Variants in ITGA6 observed in about 807,000 individuals in gnomAD.
ITGA6 encodes integrin alpha-6.
Under a neutral mutation model 133.6 loss-of-function variants are expected in ITGA6, and 63 were observed. That is an observed-to-expected ratio of 0.47 (90% CI 0.38 to 0.58). The LOEUF is 0.58. Ranked by LOEUF, ITGA6 falls within the 20% of genes least tolerant of loss-of-function variation. ITGA6 has a pLI of 0.00. For synonymous variants in ITGA6, 434 were observed against 482.0 expected, an observed-to-expected ratio of 0.90 and a Z score of 1.30; for missense variants, 1,068 against 1,309.4, an observed-to-expected ratio of 0.82 and a Z score of 2.85.
At chr2:172,428,607 C>CT (rs1436696221) in intron 1 of ITGA6, 1 of 151,070 alleles carries the variant, frequency 6.6e-6, no homozygotes, top group African/African-American at 2.4e-5. Flanking sequence ...GTTCGCTGGA[C>CT]TAGATCAGCT....
chr2:172,436,678 CT>C (rs1407179018), intron 1 of ITGA6, among the ~76,000 whole-genome samples: 3 of 152,186 alleles, frequency 2.0e-5, no homozygotes, highest in Non-Finnish European at 2.9e-5. Flanking sequence ...TGGTCTGGAC[CT>C]GCCAGAGAAA....
intron 25 of ITGA6, chr2:172,503,333 A>G (rs1377332852): frequency 1.3e-5 from 2 of 152,148 alleles, no homozygotes; most frequent in Admixed American, 6.5e-5. Context: ...AATTTTATAT[A>G]TATATATAAA....
chr2:172,505,731 TTTTTC>T lies in ITGA6; in HGVS notation c.*1669_*1673del, dbSNP rs201794789. 0.011 allele frequency: 1,686 copies of T among 152,666 alleles called. 22 individuals carry two copies. The highest frequency in any genetic ancestry group is 0.029 in the South Asian group (142 of 4,826). The allele number at this position is 152,666 out of a possible 1,614,324, so 9.5% of individuals were successfully genotyped here. ...GTGCCACTGTTGTTTTGGGGGGGCT[TTTTTC>T]TTTTCGGAAATCTTAAACCTTAAGA... On this transcript the variant is annotated 3_prime_UTR_variant, in exon 26 of 26. Coordinates refer to ENST00000684293, the MANE Select transcript of ITGA6 (RefSeq NM_000210.4).
intron 1 of ITGA6, among the ~76,000 whole-genome samples, chr2:172,443,508 G>A (rs1684626883): frequency 6.6e-6 from 1 of 152,132 alleles, no homozygotes; most frequent in Non-Finnish European, 1.5e-5. Flanking sequence ...AGGAGTGGCT[G>A]CCCTCATTCC....
chr2:172,434,088 A>C (rs1259015526), intron 1 of ITGA6, among the ~76,000 whole-genome samples: 6 of 152,298 alleles, frequency 3.9e-5, no homozygotes, highest in Middle Eastern at 3.4e-3. Context: ...GGCAGGTTTG[A>C]AAACGATTTA....
Position 172,491,401 on chromosome 2 carries a change from A to G in ITGA6, c.2890-24A>G, listed in dbSNP as rs1212226514. 1 of 1,588,714 alleles carries G rather than the reference A, an allele frequency of 6.3e-7. No homozygotes were observed. The highest frequency in any genetic ancestry group is 1.1e-5 in the South Asian group (1 of 90,568). On this transcript the variant is annotated intron_variant, in intron 22 of 25. Coordinates refer to ENST00000684293, the MANE Select transcript of ITGA6 (RefSeq NM_000210.4). The surrounding 1 kb of genome is among the most constrained non-coding windows in gnomAD (Gnocchi z 4.4). ...TGCCTAGGACACTTTTCACTTCCCT[A>G]ATGCATTCACTGTCTCCAAACAGGA...
At chr2:172,473,365 A>G (rs1016889494) in intron 5 of ITGA6, among the ~76,000 whole-genome samples, 1 of 152,214 alleles carries the variant, frequency 6.6e-6, no homozygotes, top group Non-Finnish European at 1.5e-5. Flanking sequence ...ACTGATACCA[A>G]TGACAACTTC....
intron 1 of ITGA6, among the ~76,000 whole-genome samples, chr2:172,432,845 G>C (rs189411397): frequency 1.3e-3 from 204 of 152,316 alleles, no homozygotes; most frequent in African/African-American, 4.6e-3. Flanking sequence ...GTGGAATAGA[G>C]ATCTTTCTGA....
intron 1 of ITGA6, among the ~76,000 whole-genome samples, chr2:172,441,851 T>A: frequency 6.6e-6 from 1 of 152,186 alleles, no homozygotes; most frequent in Non-Finnish European, 1.5e-5. Context: ...ATTCCCTTCT[T>A]GTCCTGAGTT....
intron 7 of ITGA6, 83 bp downstream of exon 7, chr2:172,475,205 C>A (rs564464621): frequency 1.0e-6 from 1 of 967,082 alleles, no homozygotes; most frequent in Non-Finnish European, 1.6e-6. Flanking sequence ...CAGTGGCTCA[C>A]GCCTGTAATC....
chr2:172,498,116 C>T lies in ITGA6; in HGVS notation c.3114+16C>T. On this transcript the variant is annotated intron_variant, in intron 24 of 25. Coordinates refer to ENST00000684293, the MANE Select transcript of ITGA6 (RefSeq NM_000210.4). ...ACTATGGAAGGTAAGTCATATCTGG[C>T]ATTTGAATTTCATAACAAACTTTAT... 1 of 1,610,340 alleles carries T rather than the reference C, an allele frequency of 6.2e-7. No homozygotes were observed. Among genetic ancestry groups the T allele is most frequent in the Non-Finnish European group, 8.5e-7 (1 of 1,176,784 alleles).
chr2:172,465,201 A>G (rs1040151550), intron 1 of ITGA6: 4 of 346,044 alleles, frequency 1.2e-5, no homozygotes, highest in South Asian at 3.1e-5. Context: ...TTCATATGAT[A>G]TCCCTGGCAT....
chr2:172,481,492 T>C (rs1050618316), intron 11 of ITGA6, among the ~76,000 whole-genome samples: 1 of 152,248 alleles, frequency 6.6e-6, no homozygotes, highest in African/African-American at 2.4e-5. Flanking sequence ...TAAAGTTCAG[T>C]GAATTATGAA....
At chr2:172,467,626 T>C (rs1235044885) in intron 3 of ITGA6, 66 bp downstream of exon 3, 16 of 1,242,788 alleles carry the variant, frequency 1.3e-5, no homozygotes, top group Non-Finnish European at 1.9e-5. Flanking sequence ...GCACCAGGCT[T>C]ACAGCAGGGG....
chr2:172,476,498 C>G lies in ITGA6; in HGVS notation c.1373C>G (p.Ser458Ter). 1 of 1,581,048 alleles carries G rather than the reference C, an allele frequency of 6.3e-7. No individual in the cohort carries two copies. Among genetic ancestry groups the G allele is most frequent in the Non-Finnish European group, 8.7e-7 (1 of 1,149,970 alleles). The change falls in exon 9 of 26, where the codon TCA becomes TGA. Residue 458 changes from serine to a stop codon, truncating the protein, a stop_gained. Transcript: ENST00000684293. LOFTEE classifies it high-confidence loss of function. ...GTTGCTGTTGGTTCCCTCTCAGATT[C>G]AGTAACTATTTTCAGGTCTGTTATC... ...PDVAVGSLSDSVTIFRSRPVI... is the reference protein window; with the variant it reads ...PDVAVGSLSD
At chr2:172,490,431 TG>T (rs1388304878) in intron 20 of ITGA6, among the ~76,000 whole-genome samples, 4 of 152,260 alleles carry the variant, frequency 2.6e-5, no homozygotes, top group Admixed American at 1.3e-4. Flanking sequence ...CTAAGGTGAC[TG>T]GGTATGATCA....
chr2:172,435,717 C>T (rs1684294323), intron 1 of ITGA6, among the ~76,000 whole-genome samples: 1 of 149,102 alleles, frequency 6.7e-6, no homozygotes, highest in South Asian at 2.1e-4. Flanking sequence ...GCCTTGACCT[C>T]CTTGGGCTTA....
intron 1 of ITGA6, among the ~76,000 whole-genome samples, chr2:172,454,231 G>C (rs192497918): frequency 6.6e-6 from 1 of 151,882 alleles, no homozygotes; most frequent in Non-Finnish European, 1.5e-5. Flanking sequence ...CTACAGGTGC[G>C]TGCCACCGTG....
In ITGA6 at chr2:172,476,409, A is replaced by G. The variant is rs1686176732; in HGVS notation, c.1284A>G (p.Ile428Met). 1 of 1,598,568 alleles carries G rather than the reference A, an allele frequency of 6.3e-7. No homozygotes were observed. The highest frequency in any genetic ancestry group is 8.6e-7 in the Non-Finnish European group (1 of 1,165,964). ...GTGTATTTCAGGTTCTCAAGGGTATATCACCTTATTTTGGATATTCAATTG... is the reference window on the plus strand; with the variant it reads ...GTGTATTTCAGGTTCTCAAGGGTATGTCACCTTATTTTGGATATTCAATTG... ...NTKPTQVLKG[I>M]SPYFGYSIAG... Residue 428 changes from isoleucine to methionine, a missense_variant, in exon 9 of 26, where the codon ATA becomes ATG. By Grantham distance (10) the Ile-to-Met change is conservative. Around this residue, in one of 3 missense-constraint regions of ITGA6, gnomAD observed 317 missense variants for 456.9 expected, o/e 0.69. Transcript: ENST00000684293.
Sources: gnomAD v4.1 joint callset for allele counts (sites outside exome capture counted in the v4.1 genomes callset) on GRCh38, gnomAD v4.1.1 for gene constraint, gnomAD v4.1.1 regional missense constraint, Gnocchi (gnomAD v3.1) non-coding constraint, MANE v1.5 for transcripts, NCBI Gene and HGNC (gene_info 2026-07-23, HGNC 2026-07-21) for gene names.